RNGTT: variants seen among roughly 807,000 people sequenced by gnomAD.
RNGTT encodes the protein mRNA-capping enzyme.
In RNGTT, 33 loss-of-function variants were observed where a neutral mutation model predicts 79.3. That is an observed-to-expected ratio of 0.42 (90% CI 0.32 to 0.56). The LOEUF is 0.56. Among genes scored for constraint, RNGTT ranks in the 20% least tolerant of loss-of-function variants. The pLI is 0.17. For synonymous variants in RNGTT, 222 were observed against 235.9 expected, an observed-to-expected ratio of 0.94 and a Z score of 0.54; for missense variants, 497 against 739.1, an observed-to-expected ratio of 0.67 and a Z score of 3.80.
In RNGTT at chr6:88,664,327, C is replaced by G. The variant is rs74207376; in HGVS notation, c.1506+14026G>C. On this transcript the variant is annotated intron_variant, in intron 14 of 15. Transcript: ENST00000369485. Reference sequence around the variant, plus strand: ...GCATGTACACTCCCTTTGACCCAGACAGCCCTGAAAATCAGCGCATGATTA... The same window carrying G: ...GCATGTACACTCCCTTTGACCCAGAGAGCCCTGAAAATCAGCGCATGATTA... Among the ~76,000 whole-genome samples the G allele has an allele frequency of 1.1e-4, 17 of 152,304 alleles. No homozygotes were observed. The East Asian group carries it at 3.3e-3, about 29-fold the overall frequency.
chr6:88,914,235 A>G (rs1002814589), intron 4 of RNGTT, among the ~76,000 whole-genome samples: 2 of 152,156 alleles, frequency 1.3e-5, no homozygotes, highest in African/African-American at 4.8e-5. Context: ...ATTCAACCCC[A>G]TTCCTGTCAA....
At chr6:88,781,909 T>C (rs1180780155) in intron 12 of RNGTT, among the ~76,000 whole-genome samples, 1 of 152,066 alleles carries the variant, frequency 6.6e-6, no homozygotes, top group Non-Finnish European at 1.5e-5. Context: ...ACCCAGGCTA[T>C]TGTGATCAAC....
At chr6:88,942,559 T>A (rs182811291) in intron 1 of RNGTT, among the ~76,000 whole-genome samples, 2 of 151,936 alleles carry the variant, frequency 1.3e-5, no homozygotes, top group Admixed American at 1.3e-4. Context: ...TTTGTAGGGA[T>A]GAGGTTTTGC....
intron 14 of RNGTT, among the ~76,000 whole-genome samples, chr6:88,637,438 C>T (rs1445274633): frequency 1.3e-5 from 2 of 151,998 alleles, no homozygotes; most frequent in Non-Finnish European, 2.9e-5. Context: ...TACTTATGAA[C>T]TAAAACCAAA....
intron 14 of RNGTT, among the ~76,000 whole-genome samples, chr6:88,647,938 C>A (rs1218207309): frequency 6.6e-6 from 1 of 151,754 alleles, no homozygotes; most frequent in Admixed American, 6.5e-5. Flanking sequence ...AAAGAAGAAT[C>A]TTCCATGGCT....
chr6:88,851,815 A>G (rs1357969279), intron 9 of RNGTT, among the ~76,000 whole-genome samples: 1 of 152,080 alleles, frequency 6.6e-6, no homozygotes, highest in African/African-American at 2.4e-5. Flanking sequence ...TATGGCAACT[A>G]TAATTCTAGC....
chr6:88,725,157 G>A (rs1227666689), intron 13 of RNGTT, among the ~76,000 whole-genome samples: 2 of 152,156 alleles, frequency 1.3e-5, no homozygotes, highest in African/African-American at 2.4e-5. Flanking sequence ...TTCCCTTCCC[G>A]GGGCGGTCTC....
At chr6:88,776,856 T>A (rs1435203674) in intron 12 of RNGTT, among the ~76,000 whole-genome samples, 3 of 152,170 alleles carry the variant, frequency 2.0e-5, no homozygotes, top group African/African-American at 4.8e-5. Flanking sequence ...TTTAGTTTCA[T>A]GTAGTCCCAG....
chr6:88,843,548 C>CTTTTTTT (rs11312733), intron 11 of RNGTT, among the ~76,000 whole-genome samples: 4 of 66,632 alleles, frequency 6.0e-5, no homozygotes, highest in African/African-American at 1.4e-4. Flanking sequence ...TAGTATGATT[C>CTTTTTTT]TTTTTTTTTT....
intron 14 of RNGTT, among the ~76,000 whole-genome samples, chr6:88,617,722 T>C (rs1412437174): frequency 6.6e-6 from 1 of 152,182 alleles, no homozygotes; most frequent in Admixed American, 6.5e-5. Flanking sequence ...CTGCAAAAAA[T>C]ACTATTGGGA....
chr6:88,685,661 C>A (rs1027155073), intron 13 of RNGTT, among the ~76,000 whole-genome samples: 1 of 151,816 alleles, frequency 6.6e-6, no homozygotes, highest in East Asian at 1.9e-4. Flanking sequence ...AAATAACTCA[C>A]CATTGTAACT....
At chr6:88,743,397 G>C (rs567583483) in intron 13 of RNGTT, among the ~76,000 whole-genome samples, 46 of 152,080 alleles carry the variant, frequency 3.0e-4, no homozygotes, top group Middle Eastern at 6.8e-3. Flanking sequence ...CATTCATAAT[G>C]TCATACAACC....
At chr6:88,822,618 T>A (rs1042169312) in intron 11 of RNGTT, among the ~76,000 whole-genome samples, 1 of 152,152 alleles carries the variant, frequency 6.6e-6, no homozygotes, top group African/African-American at 2.4e-5. Context: ...ACAAAATCAT[T>A]CTCCATCTAC....
intron 13 of RNGTT, among the ~76,000 whole-genome samples, chr6:88,767,311 A>G (rs1778493674): frequency 6.6e-6 from 1 of 152,154 alleles, no homozygotes; most frequent in Middle Eastern, 3.2e-3. Flanking sequence ...TTAAAAGAAC[A>G]AAATATATTT....
At chr6:88,619,032 T>C (rs1772343867) in intron 14 of RNGTT, among the ~76,000 whole-genome samples, 1 of 152,202 alleles carries the variant, frequency 6.6e-6, no homozygotes. Flanking sequence ...TATTATTTGG[T>C]TTATAATAAA....
chr6:88,893,062 T>C (rs920958356), intron 6 of RNGTT, among the ~76,000 whole-genome samples: 5 of 152,110 alleles, frequency 3.3e-5, no homozygotes, highest in Non-Finnish European at 5.9e-5. Flanking sequence ...ATTATTTCTC[T>C]GTACTAGCCA....
intron 13 of RNGTT, among the ~76,000 whole-genome samples, chr6:88,698,904 T>A (rs1419951864): frequency 6.6e-6 from 1 of 152,324 alleles, no homozygotes; most frequent in East Asian, 1.9e-4. Flanking sequence ...AAGCATGAGA[T>A]GTCCATTAAT....
intron 8 of RNGTT, among the ~76,000 whole-genome samples, chr6:88,855,498 CA>C (rs34355921): frequency 0.14 from 14,800 of 108,834 alleles, 869 homozygotes; most frequent in Middle Eastern, 0.25. Flanking sequence ...TAATCAGTTC[CA>C]AAAAAAAAAA....
chr6:88,683,978 G>A (rs1231914201), intron 13 of RNGTT, among the ~76,000 whole-genome samples: 1 of 152,038 alleles, frequency 6.6e-6, no homozygotes, highest in African/African-American at 2.4e-5. Context: ...ATGCACCACT[G>A]TACTCCAGCC....
Sources: allele counts gnomAD v4.1 joint callset (sites outside exome capture counted in the v4.1 genomes callset), GRCh38; gene constraint gnomAD v4.1.1; transcripts MANE v1.5; gene names NCBI Gene and HGNC (gene_info 2026-07-23, HGNC 2026-07-21).